The following DMD variants were observed in gnomAD, a reference collection of about 807,000 sequenced individuals.
DMD encodes the protein dystrophin, also known as mutant dystrophin.
Under a neutral mutation model 330.1 loss-of-function variants are expected in DMD, and 63 were observed. The observed-to-expected ratio is 0.19, with a 90% CI of 0.16 to 0.24. The LOEUF (loss-of-function observed/expected upper bound fraction) is 0.24, where lower values mean the gene tolerates loss of function less well. Among genes scored for constraint, DMD ranks in the 10% least tolerant of loss-of-function variants. The pLI is 1.00. For missense variants in DMD, 3,344 were observed against 2,684.1 expected (o/e 1.25, Z -5.43); for synonymous variants, 1,223 against 959.8 (o/e 1.27, Z -5.07).
At chrX:32,562,247 C>A (rs763465028) in intron 16 of DMD, among the ~76,000 whole-genome samples, 2 of 112,389 alleles carry the variant, frequency 1.8e-5, no homozygotes, top group East Asian at 5.6e-4. Flanking sequence ...TCTTCTTAGG[C>A]TACCTTCTAA....
intron 55 of DMD, among the ~76,000 whole-genome samples, chrX:31,537,474 A>G (rs890253938): frequency 8.0e-5 from 9 of 112,266 alleles, no homozygotes; most frequent in Non-Finnish European, 1.5e-4. Context: ...ATCCAATTAA[A>G]GATTCTCTAG....
In DMD at chrX:31,671,528, GTCTGGTTAGGAAGTGTTCCTTTC is replaced by G. The variant is rs773938188; in HGVS notation, c.7872+7824_7872+7846del. On this transcript the variant is annotated intron_variant, in intron 53 of 78. Coordinates refer to ENST00000357033, the MANE Select transcript of DMD (RefSeq NM_004006.3). ...TAGCTTGTTTTCTTGTGATATCTTT[GTCTGGTTAGGAAGTGTTCCTTTC>G]TCTTCTATTTTTTGGAAGAGTTGTT... Among the ~76,000 whole-genome samples, 45 of 112,126 alleles carry G rather than the reference GTCTGGTTAGGAAGTGTTCCTTTC, an allele frequency of 4.0e-4. No individual in the cohort carries two copies. In the South Asian group the frequency reaches 0.017, roughly 41 times the overall value.
intron 44 of DMD, among the ~76,000 whole-genome samples, chrX:32,049,192 ACAGCATGCATC>A (rs1323047914): frequency 9.0e-6 from 1 of 111,576 alleles, no homozygotes; most frequent in African/African-American, 3.3e-5. Context: ...ATTTGAGACA[ACAGCATGCATC>A]CACTTGGAGT....
intron 11 of DMD, among the ~76,000 whole-genome samples, chrX:32,639,389 C>A (rs2059304695): frequency 9.0e-6 from 1 of 111,191 alleles, no homozygotes; most frequent in Admixed American, 9.6e-5. Flanking sequence ...AAAAAAAAAT[C>A]ATTGGCTTAC....
intron 61 of DMD, among the ~76,000 whole-genome samples, chrX:31,333,861 C>T (rs188266473): frequency 5.0e-4 from 56 of 111,499 alleles, no homozygotes; most frequent in South Asian, 3.8e-3. Flanking sequence ...ATTATACATA[C>T]GTAAGAAATC....
At chrX:32,074,891 AACG>A (rs1483258090) in intron 44 of DMD, among the ~76,000 whole-genome samples, 1 of 109,787 alleles carries the variant, frequency 9.1e-6, no homozygotes, top group African/African-American at 3.3e-5. Context: ...CAACAACAAC[AACG>A]ACAACAACAA....
intron 44 of DMD, among the ~76,000 whole-genome samples, chrX:32,151,691 A>G (rs561578223): frequency 9.1e-6 from 1 of 110,004 alleles, no homozygotes. Flanking sequence ...GATATTACAG[A>G]GATACTCACC....
chrX:32,734,161 T>C (rs1289924713), intron 7 of DMD, among the ~76,000 whole-genome samples: 14 of 109,190 alleles, frequency 1.3e-4, no homozygotes, highest in East Asian at 5.7e-4. Context: ...CTAGAAAATC[T>C]AGAAGAAATG....
At position 31,418,121 on chromosome X, in the gene DMD, TA is replaced by T. The variant is rs766383662; in HGVS notation, c.9084+26359del. 3.9e-3 allele frequency among the ~76,000 whole-genome samples: 428 copies of T among 110,852 alleles called. 3 individuals are homozygous for T. Among genetic ancestry groups the T allele is most frequent in the African/African-American group, 0.014 (415 of 30,536 alleles). ...AGTCCGTTGGAATGCTATAACAAAATATCATAAACTGGGTGGCTTATAGACA... is the reference window on the plus strand; with the variant it reads ...AGTCCGTTGGAATGCTATAACAAAATTCATAAACTGGGTGGCTTATAGACA... On this transcript the variant is annotated intron_variant, in intron 60 of 78. Coordinates refer to ENST00000357033, the MANE Select transcript of DMD (RefSeq NM_004006.3).
At chrX:31,803,119 T>C (rs12011643) in intron 50 of DMD, among the ~76,000 whole-genome samples, 12,400 of 111,677 alleles carry the variant, frequency 0.11, 561 homozygotes, top group East Asian at 0.26. Context: ...TCTCCATTGG[T>C]TGAAGGTTGC....
intron 21 of DMD, among the ~76,000 whole-genome samples, chrX:32,477,651 G>A (rs1050055817): frequency 1.3e-4 from 14 of 110,620 alleles, no homozygotes; most frequent in Non-Finnish European, 2.1e-4. Flanking sequence ...AAACAGAGAA[G>A]TATATTGAAA....
chrX:33,123,725 GT>G lies in DMD; in HGVS notation c.31+87556del, dbSNP rs780028344. Among the ~76,000 whole-genome samples, 857 of 85,763 alleles carry G rather than the reference GT, an allele frequency of 1.0e-2. 5 individuals are homozygous for G. The highest frequency in any genetic ancestry group is 0.021 in the African/African-American group (518 of 24,330). 74.5% of individuals were successfully genotyped at this position (85,763 alleles called of 115,157 possible). A position where few individuals can be genotyped will look rare whatever the true frequency, so the allele number is the denominator to read the frequency against. ...GAGCCACCACGCCCGGTTCAAATGAGTTTTTTTTTTTTTTTTTCAGTCCAAT... is the reference window on the plus strand; with the variant it reads ...GAGCCACCACGCCCGGTTCAAATGAGTTTTTTTTTTTTTTTTCAGTCCAAT... On this transcript the variant is annotated intron_variant, in intron 1 of 78. Transcript: ENST00000357033.
chrX:33,151,031 A>C (rs369968334), intron 1 of DMD, among the ~76,000 whole-genome samples: 2 of 112,501 alleles, frequency 1.8e-5, no homozygotes, highest in South Asian at 7.3e-4. Flanking sequence ...CAAGGTTTTC[A>C]ACAAGGGCAG....
At chrX:32,121,661 A>ATATATATATATG (rs1415216267) in intron 44 of DMD, among the ~76,000 whole-genome samples, 17 of 81,312 alleles carry the variant, frequency 2.1e-4, no homozygotes, top group African/African-American at 5.8e-4. Context: ...ATATATATAT[A>ATATATATATATG]TATGTATTCG....
At chrX:33,061,819 G>A (rs1207648210) in intron 1 of DMD, among the ~76,000 whole-genome samples, 1 of 111,550 alleles carries the variant, frequency 9.0e-6, no homozygotes, top group African/African-American at 3.3e-5. Context: ...AAGGGTCAAC[G>A]AAATCTAAGG....
intron 71 of DMD, 101 bp downstream of exon 71, chrX:31,177,831 A>G: frequency 1.2e-6 from 1 of 840,318 alleles, no homozygotes; most frequent in Non-Finnish European, 1.7e-6. Flanking sequence ...CCATAAAACA[A>G]AACAAAACAA....
intron 44 of DMD, among the ~76,000 whole-genome samples, chrX:32,097,448 T>C (rs1209638881): frequency 1.8e-5 from 2 of 111,530 alleles, no homozygotes; most frequent in African/African-American, 6.5e-5. Context: ...TTTTATGGAT[T>C]CATAGTATTC....
intron 2 of DMD, among the ~76,000 whole-genome samples, chrX:32,861,222 G>A (rs1325163230): frequency 8.9e-6 from 1 of 112,288 alleles, no homozygotes; most frequent in Non-Finnish European, 1.9e-5. Context: ...GCTATCACAC[G>A]TTTATTCCAA....
At chrX:32,609,274 C>T (rs115348852) in intron 12 of DMD, among the ~76,000 whole-genome samples, 6,021 of 110,368 alleles carry the variant, frequency 0.055, 156 homozygotes, top group African/African-American at 0.077. Flanking sequence ...TTTATTTATC[C>T]TCAAAAAATA....
Sources: gnomAD v4.1 joint callset for allele counts (sites outside exome capture counted in the v4.1 genomes callset) on GRCh38, gnomAD v4.1.1 for gene constraint, MANE v1.5 for transcripts, NCBI Gene and HGNC (gene_info 2026-07-23, HGNC 2026-07-21) for gene names.